CLIC5: variants seen among roughly 807,000 people sequenced by gnomAD.
CLIC5 encodes the protein CLIC family member 5.
In CLIC5, 20 loss-of-function variants were observed where a neutral mutation model predicts 24.7. The ratio of observed to expected loss-of-function variants is 0.81; its 90% CI spans 0.57 to 1.18. The LOEUF is 1.18. CLIC5 is among the 50% of genes most tolerant of loss of function. The pLI is 0.00. For synonymous variants in CLIC5, 159 were observed against 135.6 expected, an observed-to-expected ratio of 1.17 and a Z score of -1.20; for missense variants, 341 against 326.1, an observed-to-expected ratio of 1.05 and a Z score of -0.35.
At chr6:46,085,128 C>A (rs1763004100), upstream of CLIC5, among the ~76,000 whole-genome samples, 1 of 152,228 alleles carries the variant, frequency 6.6e-6, no homozygotes, top group Admixed American at 6.5e-5. Flanking sequence ...GCTCCATCAG[C>A]TCCTTTAAGC....
chr6:45,973,774 TA>T (rs1431539985), intron 1 of CLIC5, among the ~76,000 whole-genome samples: 7 of 152,058 alleles, frequency 4.6e-5, no homozygotes, highest in Non-Finnish European at 1.0e-4. Flanking sequence ...CCATCTCTAC[TA>T]AAAAATTAGC....
intron 4 of CLIC5, among the ~76,000 whole-genome samples, chr6:45,922,827 G>C (rs1763321115): frequency 6.8e-6 from 1 of 146,566 alleles, no homozygotes; most frequent in Admixed American, 6.7e-5. Flanking sequence ...GAGAGAAAGA[G>C]AGAGAGATAG....
At chr6:46,071,593 G>A (rs1762598862) in intron 1 of CLIC5, among the ~76,000 whole-genome samples, 1 of 152,084 alleles carries the variant, frequency 6.6e-6, no homozygotes, top group African/African-American at 2.4e-5. Flanking sequence ...ACAGGTGCTG[G>A]CAAAGTTGCA....
intron 1 of CLIC5, among the ~76,000 whole-genome samples, chr6:45,962,222 T>G (rs950989265): frequency 1.3e-5 from 2 of 150,106 alleles, no homozygotes; most frequent in African/African-American, 4.9e-5. Context: ...TACATATCAG[T>G]TGGGGTGTGA....
chr6:45,938,151 G>A (rs902400868), intron 4 of CLIC5, among the ~76,000 whole-genome samples: 5 of 152,214 alleles, frequency 3.3e-5, no homozygotes, highest in Non-Finnish European at 5.9e-5. Flanking sequence ...AATGTAGGGC[G>A]GCATGTGGAA....
At chr6:45,915,413 A>G (rs1762991973) in intron 4 of CLIC5, among the ~76,000 whole-genome samples, 1 of 152,212 alleles carries the variant, frequency 6.6e-6, no homozygotes, top group African/African-American at 2.4e-5. Context: ...ACCCAACCCA[A>G]GAAGAGTTGG....
intron 5 of CLIC5, among the ~76,000 whole-genome samples, chr6:45,904,648 CTT>C (rs35933771): frequency 6.0e-4 from 76 of 126,182 alleles, no homozygotes; most frequent in East Asian, 9.7e-4. Context: ...TTTTCTGTCC[CTT>C]TCCTTCCCTC....
At chr6:45,947,960 G>T (rs1370415949) in intron 3 of CLIC5, among the ~76,000 whole-genome samples, 1 of 152,184 alleles carries the variant, frequency 6.6e-6, no homozygotes, top group East Asian at 1.9e-4. Context: ...TTTTAAGGAA[G>T]AATATATGAT....
At chr6:46,119,461 A>T in the CLIC5 span, among the ~76,000 whole-genome samples, 8 of 152,258 alleles carry the variant, frequency 5.3e-5, no homozygotes, top group African/African-American at 1.7e-4. Flanking sequence ...GGCGGTTCCA[A>T]CATGACCAAA....
chr6:46,032,981 A>ATTTTTTTTT (rs35845581), intron 1 of CLIC5, among the ~76,000 whole-genome samples: 1 of 79,006 alleles, frequency 1.3e-5, no homozygotes, highest in African/African-American at 4.8e-5. Flanking sequence ...GGAAATCTAC[A>ATTTTTTTTT]TTTTTTTTTT....
chr6:45,887,959 A>G (rs1039485510), intron 6 of CLIC5, among the ~76,000 whole-genome samples: 1 of 152,242 alleles, frequency 6.6e-6, no homozygotes, highest in Non-Finnish European at 1.5e-5. Flanking sequence ...ACATCTGGCA[A>G]TTCTAGGATG....
intron 1 of CLIC5, among the ~76,000 whole-genome samples, chr6:46,077,236 C>T (rs1762794945): frequency 6.6e-6 from 1 of 152,028 alleles, no homozygotes; most frequent in Non-Finnish European, 1.5e-5. Context: ...AATGATTAAG[C>T]CTCAATAAAA....
intron 1 of CLIC5, among the ~76,000 whole-genome samples, chr6:45,956,677 C>G (rs1034592809): frequency 6.6e-6 from 1 of 152,140 alleles, no homozygotes; most frequent in African/African-American, 2.4e-5. Flanking sequence ...TAATGGAAAA[C>G]TGGAACTTTT....
At chr6:46,022,385 T>C (rs1767209036) in intron 1 of CLIC5, among the ~76,000 whole-genome samples, 1 of 152,182 alleles carries the variant, frequency 6.6e-6, no homozygotes, top group Non-Finnish European at 1.5e-5. Flanking sequence ...TTAAACAACT[T>C]ACATTCTCTG....
At chr6:46,126,574 GT>G in the CLIC5 span, among the ~76,000 whole-genome samples, 6 of 152,134 alleles carry the variant, frequency 3.9e-5, no homozygotes, top group East Asian at 1.9e-4. Context: ...TGAAAATGGA[GT>G]AGGTGAAAAG....
At chr6:45,931,738 G>A (rs772383616) in intron 4 of CLIC5, among the ~76,000 whole-genome samples, 7 of 152,050 alleles carry the variant, frequency 4.6e-5, no homozygotes, top group African/African-American at 4.8e-5. Context: ...GGCTCACTGC[G>A]ACCTCTGCCT....
At chr6:45,958,237 C>T (rs1288001110) in intron 1 of CLIC5, among the ~76,000 whole-genome samples, 1 of 151,382 alleles carries the variant, frequency 6.6e-6, no homozygotes, top group East Asian at 1.9e-4. Flanking sequence ...AGCCAACGAA[C>T]GCCAAGGATT....
intron 1 of CLIC5, among the ~76,000 whole-genome samples, chr6:46,033,391 C>G (rs758524724): frequency 6.6e-6 from 1 of 151,948 alleles, no homozygotes; most frequent in African/African-American, 2.4e-5. Flanking sequence ...CTGTGTCAGG[C>G]ATTTGGGCAG....
At chr6:46,040,852 T>C (rs940241025) in intron 1 of CLIC5, among the ~76,000 whole-genome samples, 12 of 152,312 alleles carry the variant, frequency 7.9e-5, no homozygotes, top group African/African-American at 2.9e-4. Flanking sequence ...AATGCAATGT[T>C]ATTGGTCTTG....
Sources: gnomAD v4.1 joint callset for allele counts (sites outside exome capture counted in the v4.1 genomes callset) on GRCh38, gnomAD v4.1.1 for gene constraint, MANE v1.5 for transcripts, NCBI Gene and HGNC (gene_info 2026-07-23, HGNC 2026-07-21) for gene names.